ELAPOR2: variants seen among roughly 807,000 people sequenced by gnomAD.
ELAPOR2 encodes the protein endosome/lysosome-associated apoptosis and autophagy regulator family member 2.
ELAPOR2 carries 89 observed loss-of-function variants against 120.7 expected under a neutral mutation model. The ratio of observed to expected loss-of-function variants is 0.74; its 90% CI spans 0.62 to 0.88. The LOEUF (loss-of-function observed/expected upper bound fraction) is 0.88, where lower values mean the gene tolerates loss of function less well. ELAPOR2 is among the 40% of genes least tolerant of loss of function. The probability of loss-of-function intolerance (pLI) is 0.00; values close to 1 mark genes in which losing one functional copy is unlikely to be tolerated. For synonymous variants in ELAPOR2, 444 were observed against 444.9 expected (o/e 1.00, Z 0.03); for missense variants, 1,134 against 1,251.6 (o/e 0.91, Z 1.42).
At chr7:86,952,027 T>C (rs189368580) in intron 2 of ELAPOR2, among the ~76,000 whole-genome samples, 1 of 152,282 alleles carries the variant, frequency 6.6e-6, no homozygotes, top group East Asian at 1.9e-4. Context: ...CACATAGTAC[T>C]AAATAAACCA....
intron 14 of ELAPOR2, 66 bp from the exon 15 acceptor site, chr7:86,912,311 T>C: frequency 9.3e-7 from 1 of 1,079,256 alleles, no homozygotes. Context: ...AAAATGTGTT[T>C]GAAAAAAGTT....
chr7:86,955,326 A>G (rs1238634853), intron 2 of ELAPOR2, among the ~76,000 whole-genome samples: 1 of 152,166 alleles, frequency 6.6e-6, no homozygotes, highest in Non-Finnish European at 1.5e-5. Context: ...ATATTCTCTT[A>G]ATCACAGTAA....
chr7:86,909,576 A>G (rs1789196515), intron 16 of ELAPOR2, among the ~76,000 whole-genome samples: 1 of 152,056 alleles, frequency 6.6e-6, no homozygotes, highest in Non-Finnish European at 1.5e-5. Context: ...ACAGGCATAG[A>G]CCCTCAGAAA....
At chr7:86,921,462 G>A (rs182668042) in intron 10 of ELAPOR2, among the ~76,000 whole-genome samples, 138 of 152,146 alleles carry the variant, frequency 9.1e-4, no homozygotes, top group Non-Finnish European at 9.3e-4. Context: ...ACAAGTCAAG[G>A]AATTCCTGGG....
At chr7:87,054,381 A>G (rs1795202072) in intron 1 of ELAPOR2, among the ~76,000 whole-genome samples, 1 of 152,208 alleles carries the variant, frequency 6.6e-6, no homozygotes, top group South Asian at 2.1e-4. Context: ...GATGGTGTGA[A>G]TACTTGCTCG....
At chr7:86,930,964 AG>A (rs989571733) in intron 8 of ELAPOR2, among the ~76,000 whole-genome samples, 1 of 151,972 alleles carries the variant, frequency 6.6e-6, no homozygotes, top group African/African-American at 2.4e-5. Flanking sequence ...GCTCTGAAAA[AG>A]GTTGTAGTCT....
intron 1 of ELAPOR2, among the ~76,000 whole-genome samples, chr7:87,000,010 AG>A (rs1226598976): frequency 2.6e-5 from 4 of 152,138 alleles, no homozygotes; most frequent in Non-Finnish European, 5.9e-5. Context: ...ACACCTCCAA[AG>A]AGCCAGATTA....
At chr7:87,004,861 A>T (rs868020692) in intron 1 of ELAPOR2, among the ~76,000 whole-genome samples, 1 of 152,108 alleles carries the variant, frequency 6.6e-6, no homozygotes, top group African/African-American at 2.4e-5. Flanking sequence ...AGAATATCAG[A>T]CCCCAAAGAA....
intron 2 of ELAPOR2, among the ~76,000 whole-genome samples, chr7:86,963,974 G>C (rs756079384): frequency 6.6e-6 from 1 of 152,010 alleles, no homozygotes; most frequent in Non-Finnish European, 1.5e-5. Flanking sequence ...TAAGATTATT[G>C]CAGTTTCCCT....
In ELAPOR2 at chr7:86,990,961, G is replaced by T. The variant is rs908253747; in HGVS notation, c.190-25937C>A. Among the ~76,000 whole-genome samples, 6 of 152,094 alleles carry T rather than the reference G, an allele frequency of 3.9e-5. No homozygotes were observed. In the East Asian group the frequency reaches 1.2e-3, roughly 29 times the overall value. The stretch of plus-strand genomic sequence containing the variant: ...AAGCAGGTCTGTCAAAGGAAACTGG[G>T]GTTGTTCCTTTAATCTATATGGTAT... On this transcript the variant is annotated intron_variant, in intron 1 of 21. Transcript: ENST00000450689.
At chr7:87,040,256 G>T (rs1175661973) in intron 1 of ELAPOR2, among the ~76,000 whole-genome samples, 1 of 152,248 alleles carries the variant, frequency 6.6e-6, no homozygotes, top group Non-Finnish European at 1.5e-5. Flanking sequence ...GCTCGAACTG[G>T]GTGGAGCCCA....
At chr7:86,974,615 G>GTGTC (rs1310037447) in intron 1 of ELAPOR2, among the ~76,000 whole-genome samples, 1 of 151,438 alleles carries the variant, frequency 6.6e-6, no homozygotes, top group Admixed American at 6.6e-5. Context: ...GTGTGTGTGT[G>GTGTC]TGTGTTGGAT....
At chr7:86,985,371 C>T (rs1792686613) in intron 1 of ELAPOR2, among the ~76,000 whole-genome samples, 1 of 152,194 alleles carries the variant, frequency 6.6e-6, no homozygotes, top group South Asian at 2.1e-4. Flanking sequence ...ATACCAAAGC[C>T]TGGCAGAGAC....
At chr7:86,966,978 C>T (rs573984713) in intron 1 of ELAPOR2, among the ~76,000 whole-genome samples, 1 of 152,222 alleles carries the variant, frequency 6.6e-6, no homozygotes, top group East Asian at 1.9e-4. Flanking sequence ...CTTCAAAGTC[C>T]TATTTTGTCA....
rs397698585 is a variant in ELAPOR2 at position 86,926,920 on chromosome 7, CAAAAA to C, written c.1090-9_1090-5del. 1,530 of 887,316 alleles carry C rather than the reference CAAAAA, an allele frequency of 1.7e-3. No homozygotes were observed. Among genetic ancestry groups the C allele is most frequent in the East Asian group, 4.2e-3 (93 of 22,070 alleles). 55.0% of individuals were successfully genotyped at this position (887,316 alleles called of 1,614,324 possible). A position where few individuals can be genotyped will look rare whatever the true frequency, so the allele number is the denominator to read the frequency against. On this transcript the variant is annotated splice_polypyrimidine_tract_variant and splice_region_variant and intron_variant, in intron 8 of 21. Transcript: ENST00000450689. ...TCCACTTGTACATTATCTGTGTCTA[CAAAAA>C]AAAAAAAAAAAAAAAAGCAACCAAG...
rs898566290 is a variant in ELAPOR2 at position 86,910,821 on chromosome 7, A to T, written c.2170-820T>A. Among the ~76,000 whole-genome samples, 3 of 152,226 alleles carry T rather than the reference A, an allele frequency of 2.0e-5. No homozygotes were observed. The South Asian group carries it at 6.2e-4, about 32-fold the overall frequency. Reference sequence around the variant, plus strand: ...AGAGTGTACACAGATGTGTAAAAAGAAAAGTATAAAAGTTTATCTTTCTTA... The same window carrying T: ...AGAGTGTACACAGATGTGTAAAAAGTAAAGTATAAAAGTTTATCTTTCTTA... On this transcript the variant is annotated intron_variant, in intron 15 of 21. Coordinates refer to ENST00000450689, the MANE Select transcript of ELAPOR2 (RefSeq NM_001142749.3).
chr7:86,986,675 C>T lies in ELAPOR2; in HGVS notation c.190-21651G>A, dbSNP rs1442497379. On this transcript the variant is annotated intron_variant, in intron 1 of 21. Coordinates refer to ENST00000450689, the MANE Select transcript of ELAPOR2 (RefSeq NM_001142749.3). ...GACCTCTTCAAGGAGAACTACAAAC[C>T]ACTGCTCAACGAAATAAAAGAGGAC... is the stretch of plus-strand genomic sequence containing the variant. Among the ~76,000 whole-genome samples the T allele has an allele frequency of 2.0e-5, 3 of 150,458 alleles. No homozygotes were observed. In the East Asian group the frequency reaches 5.8e-4, roughly 29 times the overall value.
chr7:86,955,235 A>G (rs2116430348), intron 2 of ELAPOR2, among the ~76,000 whole-genome samples: 1 of 152,284 alleles, frequency 6.6e-6, no homozygotes, highest in Admixed American at 6.5e-5. Context: ...AAGAAAAAGT[A>G]ATCTATAATT....
chr7:86,891,927 A>G (rs1024617291), intron 20 of ELAPOR2, 38 bp from the exon 21 acceptor site: 7 of 1,265,184 alleles, frequency 5.5e-6, no homozygotes, highest in Non-Finnish European at 7.7e-6. Context: ...ATAAGTATCC[A>G]TTTATGTTAA....
Sources: allele counts gnomAD v4.1 joint callset (sites outside exome capture counted in the v4.1 genomes callset), GRCh38; gene constraint gnomAD v4.1.1; transcripts MANE v1.5; gene names NCBI Gene and HGNC (gene_info 2026-07-23, HGNC 2026-07-21).